Variants in SMYD3 observed in about 807,000 individuals in gnomAD.
The protein encoded by SMYD3 is histone-lysine N-methyltransferase SMYD3.
SMYD3 carries 36 observed loss-of-function variants against 57.7 expected under a neutral mutation model. The ratio of observed to expected loss-of-function variants is 0.62; its 90% CI spans 0.48 to 0.82. The LOEUF is 0.82. Ranked by LOEUF, SMYD3 falls within the 40% of genes least tolerant of loss-of-function variation. SMYD3 has a pLI of 0.00. For synonymous variants in SMYD3, 211 were observed against 195.0 expected, an observed-to-expected ratio of 1.08 and a Z score of -0.68; for missense variants, 515 against 538.8, an observed-to-expected ratio of 0.96 and a Z score of 0.44.
chr1:245,893,533 C>A (rs888436500), intron 8 of SMYD3, among the ~76,000 whole-genome samples: 1 of 151,832 alleles, frequency 6.6e-6, no homozygotes, highest in Non-Finnish European at 1.5e-5. Context: ...AAAAATGAAC[C>A]AACTATTGAG....
chr1:246,468,909 G>A (rs767377213), intron 1 of SMYD3, among the ~76,000 whole-genome samples: 4 of 152,106 alleles, frequency 2.6e-5, no homozygotes, highest in Non-Finnish European at 5.9e-5. Flanking sequence ...CAAGGAGTTG[G>A]AGGCTACAGT....
rs539058757 is a variant in SMYD3, at chr1:245,811,048, T to C, written c.1077-46899A>G. Among the ~76,000 whole-genome samples the C allele has an allele frequency of 9.2e-5, 14 of 152,320 alleles. No homozygotes were observed. In the South Asian group the frequency reaches 2.1e-3, roughly 23 times the overall value. On this transcript the variant is annotated intron_variant, in intron 10 of 11. Coordinates refer to ENST00000490107, the MANE Select transcript of SMYD3 (RefSeq NM_001167740.2). ...CATCTTCCAATTCAACATGGCTTCT[T>C]GCCTCTGAAAGGAGAGCTAGTCCCT... is the stretch of plus-strand genomic sequence containing the variant.
At chr1:246,386,288 A>G (rs1185642941) in intron 1 of SMYD3, among the ~76,000 whole-genome samples, 1 of 152,202 alleles carries the variant, frequency 6.6e-6, no homozygotes, top group Admixed American at 6.5e-5. Context: ...TGCGTACTCT[A>G]GGAAACTGGG....
intron 5 of SMYD3, among the ~76,000 whole-genome samples, chr1:246,200,885 T>C (rs1393159866): frequency 6.6e-6 from 1 of 152,172 alleles, no homozygotes; most frequent in Non-Finnish European, 1.5e-5. Flanking sequence ...TAACCTCTTC[T>C]ACCTCCCAAC....
intron 5 of SMYD3, among the ~76,000 whole-genome samples, chr1:246,152,154 A>C (rs1271831914): frequency 1.3e-5 from 2 of 152,318 alleles, no homozygotes; most frequent in East Asian, 3.9e-4. Flanking sequence ...CAAACATGAA[A>C]GTGCCTGGGT....
chr1:245,919,125 C>T (rs1292225464), intron 7 of SMYD3, among the ~76,000 whole-genome samples: 1 of 152,198 alleles, frequency 6.6e-6, no homozygotes, highest in Non-Finnish European at 1.5e-5. Flanking sequence ...TAACTGGCTT[C>T]CCCGCTGCCT....
chr1:246,477,577 CT>C, intron 1 of SMYD3, among the ~76,000 whole-genome samples: 1 of 152,206 alleles, frequency 6.6e-6, no homozygotes, highest in Non-Finnish European at 1.5e-5. Flanking sequence ...TCTAAACTTA[CT>C]ATGTCATAGT....
At chr1:246,406,309 T>G (rs1284242302) in intron 1 of SMYD3, among the ~76,000 whole-genome samples, 1 of 152,224 alleles carries the variant, frequency 6.6e-6, no homozygotes, top group Non-Finnish European at 1.5e-5. Flanking sequence ...AGTACCATGC[T>G]TGGCATAGAG....
At position 245,929,908 on chromosome 1, in the gene SMYD3, A is replaced by G. The variant is rs1186504171; in HGVS notation, c.561T>C (p.Asn187=). ...KVICNSFTIC[N]AEMQEVGVGL... is the part of the protein sequence containing the mutation. ...CAACACCAACTTCCTGCATCTCCGCATTACAGATGGTGAAAGAGTTGCAGA... is the reference window on the plus strand; with the variant it reads ...CAACACCAACTTCCTGCATCTCCGCGTTACAGATGGTGAAAGAGTTGCAGA... The change falls in exon 6 of 12, where the codon AAT becomes AAC. Residue 187 remains asparagine, a synonymous_variant. Transcript: ENST00000490107. 1 of 1,613,918 alleles carries G rather than the reference A, an allele frequency of 6.2e-7. No homozygotes were observed.
intron 11 of SMYD3, among the ~76,000 whole-genome samples, chr1:245,751,254 G>T (rs773908864): frequency 6.6e-5 from 10 of 152,108 alleles, no homozygotes; most frequent in Non-Finnish European, 1.0e-4. Flanking sequence ...AATTGCTAGG[G>T]GTGGAATTCT....
chr1:245,843,540 ATGTG>A (rs10531765), intron 10 of SMYD3, among the ~76,000 whole-genome samples: 42,246 of 149,286 alleles, frequency 0.28, 7,547 homozygotes, highest in Middle Eastern at 0.47. Context: ...GTATATATAT[ATGTG>A]TGTGTGTGTG....
At chr1:245,893,918 G>C (rs77042882) in intron 8 of SMYD3, among the ~76,000 whole-genome samples, 3 of 152,192 alleles carry the variant, frequency 2.0e-5, no homozygotes, top group African/African-American at 7.2e-5. Flanking sequence ...AAACAGCATA[G>C]TGAAGAGGTT....
At chr1:245,859,873 T>A (rs77601499) in intron 9 of SMYD3, among the ~76,000 whole-genome samples, 562 of 152,290 alleles carry the variant, frequency 3.7e-3, no homozygotes, top group Non-Finnish European at 6.4e-3. Flanking sequence ...TCTGAGGAAG[T>A]CAAAGTGCTT....
chr1:246,282,527 A>T (rs137907297), intron 5 of SMYD3, among the ~76,000 whole-genome samples: 43 of 116,326 alleles, frequency 3.7e-4, no homozygotes, highest in South Asian at 1.8e-3. Flanking sequence ...TAATAATTTT[A>T]AAAAATAAAA....
At chr1:246,360,187 A>T (rs1173714063) in intron 1 of SMYD3, among the ~76,000 whole-genome samples, 1 of 152,198 alleles carries the variant, frequency 6.6e-6, no homozygotes, top group East Asian at 1.9e-4. Flanking sequence ...CTGAGAATCA[A>T]ATCAAGAACT....
chr1:245,776,361 T>A (rs996693001), intron 10 of SMYD3, among the ~76,000 whole-genome samples: 1 of 152,072 alleles, frequency 6.6e-6, no homozygotes, highest in South Asian at 2.1e-4. Flanking sequence ...AGGAGCATTG[T>A]CGTTAAAAAA....
intron 5 of SMYD3, among the ~76,000 whole-genome samples, chr1:246,019,066 T>C (rs1441786940): frequency 3.3e-5 from 5 of 152,206 alleles, no homozygotes; most frequent in Non-Finnish European, 7.3e-5. Context: ...CCTTGCTACT[T>C]TTCTATTTCC....
At chr1:246,335,108 A>G (rs192441016) in intron 3 of SMYD3, among the ~76,000 whole-genome samples, 10 of 152,318 alleles carry the variant, frequency 6.6e-5, no homozygotes, top group Non-Finnish European at 1.2e-4. Flanking sequence ...TTTTAGAAAT[A>G]TATTTTTTAA....
intron 1 of SMYD3, among the ~76,000 whole-genome samples, chr1:246,429,040 T>TTTTTTTTTTTTTTTTTGAGACGG (rs1553347514): frequency 6.7e-6 from 1 of 149,826 alleles, no homozygotes; most frequent in Non-Finnish European, 1.5e-5. Context: ...AGTCTCACTT[T>TTTTTTTTTTTTTTTTTGAGACGG]AATAGGACAG....
Sources: allele counts gnomAD v4.1 joint callset (sites outside exome capture counted in the v4.1 genomes callset), GRCh38; gene constraint gnomAD v4.1.1; transcripts MANE v1.5; gene names NCBI Gene and HGNC (gene_info 2026-07-23, HGNC 2026-07-21).